The following ICA1 variants were observed in gnomAD, a reference collection of about 807,000 sequenced individuals.
ICA1 encodes islet cell autoantigen 1.
Under a neutral mutation model 71.0 loss-of-function variants are expected in ICA1, and 40 were observed. The ratio of observed to expected loss-of-function variants is 0.56; its 90% CI spans 0.44 to 0.73. The LOEUF is 0.73. Ranked by LOEUF, ICA1 falls within the 30% of genes least tolerant of loss-of-function variation. The pLI is 0.00. For missense variants in ICA1, 578 were observed against 576.5 expected, an observed-to-expected ratio of 1.00 and a Z score of -0.03; for synonymous variants, 207 against 209.5, an observed-to-expected ratio of 0.99 and a Z score of 0.10.
At chr7:8,232,999 C>T (rs1053333484) in intron 2 of ICA1, among the ~76,000 whole-genome samples, 7 of 151,844 alleles carry the variant, frequency 4.6e-5, no homozygotes, top group Non-Finnish European at 1.0e-4. Context: ...AAGAAACTAA[C>T]CCTTGAAAAG....
rs1796237867 is a variant in ICA1 at position 8,144,499 on chromosome 7, T to C, written c.805-527A>G. Among the ~76,000 whole-genome samples the C allele has an allele frequency of 6.6e-6, 1 of 152,246 alleles. No individual in the cohort carries two copies. The highest frequency in any genetic ancestry group is 2.1e-4 in the South Asian group (1 of 4,834). Reference sequence around the variant, plus strand: ...TCTTAAAAAACCAAAAATAGTGGCTTAACATATTCTGACAACCTAACTCCC... The same window carrying C: ...TCTTAAAAAACCAAAAATAGTGGCTCAACATATTCTGACAACCTAACTCCC... On this transcript the variant is annotated intron_variant, in intron 8 of 13. Transcript: ENST00000402384. This position sits in a 1 kb window ranked among gnomAD's most constrained non-coding sequence, Gnocchi z 4.5.
chr7:8,131,207 G>C (rs1292245761), intron 12 of ICA1, among the ~76,000 whole-genome samples: 1 of 152,224 alleles, frequency 6.6e-6, no homozygotes, highest in East Asian at 1.9e-4. Context: ...CTCAAGAAGT[G>C]GAGAGAGAAT....
intron 9 of ICA1, among the ~76,000 whole-genome samples, chr7:8,143,151 C>T (rs1795784316): frequency 6.6e-6 from 1 of 152,214 alleles, no homozygotes; most frequent in Non-Finnish European, 1.5e-5. Flanking sequence ...AACTGCATTC[C>T]TGCAAGCTAT....
chr7:8,114,120 C>T, intron 13 of ICA1, 76 bp from the exon 14 acceptor site: 3 of 1,478,936 alleles, frequency 2.0e-6, no homozygotes, highest in Non-Finnish European at 2.8e-6. Context: ...GCAGGCAGGT[C>T]CAGGTCATCT....
chr7:8,210,702 GA>G (rs1005053981), intron 6 of ICA1, among the ~76,000 whole-genome samples: 3 of 151,886 alleles, frequency 2.0e-5, no homozygotes, highest in Non-Finnish European at 2.9e-5. Context: ...ATAGCCAAAG[GA>G]AAAAAATTTT....
At chr7:8,124,640 G>C (rs1054286840) in intron 13 of ICA1, among the ~76,000 whole-genome samples, 3 of 152,172 alleles carry the variant, frequency 2.0e-5, no homozygotes, top group African/African-American at 7.2e-5. Context: ...CTGGGAATCT[G>C]TAAGTGTGGC....
In ICA1 at chr7:8,226,492, T is replaced by G. The variant is rs934243359; in HGVS notation, c.256+2109A>C. Among the ~76,000 whole-genome samples, 4 of 152,238 alleles carry G rather than the reference T, an allele frequency of 2.6e-5. No homozygotes were observed. The highest frequency in any genetic ancestry group is 9.6e-5 in the African/African-American group (4 of 41,458). ...ATAGCATACTATAGATACGCTTTTA[T>G]GTTTTGCTTCTTTCACTTAAAAGCA... On this transcript the variant is annotated intron_variant, in intron 4 of 13. Transcript: ENST00000402384. The surrounding 1 kb of genome is among the most constrained non-coding windows in gnomAD (Gnocchi z 4.4).
chr7:8,243,763 T>C (rs951379309), intron 1 of ICA1, among the ~76,000 whole-genome samples: 2 of 152,128 alleles, frequency 1.3e-5, no homozygotes, highest in African/African-American at 4.8e-5. Context: ...AGCGTTCCTA[T>C]ACACCAATAA....
At chr7:8,138,618 T>C (rs188127913) in intron 12 of ICA1, among the ~76,000 whole-genome samples, 1 of 152,342 alleles carries the variant, frequency 6.6e-6, no homozygotes, top group Non-Finnish European at 1.5e-5. Flanking sequence ...TTAGCTATAG[T>C]AGTTTGAACA....
At position 8,144,967 on chromosome 7, in the gene ICA1, G is replaced by A. The variant is rs866607811; in HGVS notation, c.805-995C>T. 6.6e-6 allele frequency among the ~76,000 whole-genome samples: 1 copy of A among 152,080 alleles called. No homozygotes were observed. On this transcript the variant is annotated intron_variant, in intron 8 of 13. Coordinates refer to ENST00000402384, the MANE Select transcript of ICA1 (RefSeq NM_001136020.3). The surrounding 1 kb of genome is among the most constrained non-coding windows in gnomAD (Gnocchi z 4.5). ...CAATTCTGATTGATTAGTACTGGCT[G>A]ACTGGAGGGCCAGTGAAGATGGTTC...
rs114678073 is a variant in ICA1 at position 8,120,492 on chromosome 7, C to T, written c.1331-6448G>A. ...GCTATGTAAAGAGAACTTAGTGTTGCTAATATTCCCATAATTGCCATCAAC... is the reference window on the plus strand; with the variant it reads ...GCTATGTAAAGAGAACTTAGTGTTGTTAATATTCCCATAATTGCCATCAAC... On this transcript the variant is annotated intron_variant, in intron 13 of 13. Transcript: ENST00000402384. Among the ~76,000 whole-genome samples, 852 of 152,250 alleles carry T rather than the reference C, an allele frequency of 5.6e-3. 2 individuals carry two copies. The highest frequency in any genetic ancestry group is 0.02 in the African/African-American group (823 of 41,528).
chr7:8,253,969 G>A (rs376317019), intron 1 of ICA1, among the ~76,000 whole-genome samples: 1 of 152,206 alleles, frequency 6.6e-6, no homozygotes, highest in Non-Finnish European at 1.5e-5. Context: ...AGATGCTAAT[G>A]TTTATAAGGT....
chr7:8,257,878 A>C (rs927595494), intron 1 of ICA1, among the ~76,000 whole-genome samples: 13 of 152,164 alleles, frequency 8.5e-5, no homozygotes, highest in African/African-American at 2.9e-4. Context: ...ACACATAGAC[A>C]CTGGGCTCCA....
intron 1 of ICA1, among the ~76,000 whole-genome samples, chr7:8,243,855 T>C (rs1451043239): frequency 6.6e-6 from 1 of 152,130 alleles, no homozygotes; most frequent in Non-Finnish European, 1.5e-5. Flanking sequence ...GAATCCAACT[T>C]ACAAGGGATG....
chr7:8,201,960 C>T (rs1367606208), intron 6 of ICA1, among the ~76,000 whole-genome samples: 1 of 152,130 alleles, frequency 6.6e-6, no homozygotes, highest in Non-Finnish European at 1.5e-5. Context: ...AGCAAGAAAC[C>T]GGGGGACAGG....
chr7:8,157,140 T>C lies in ICA1; in HGVS notation c.780A>G (p.Gln260=), dbSNP rs200931331. ...CCTTTAAAGTAGTAAATTCATATGGTTGATAACCTTTGAAACTCTCATGGA... is the reference window on the plus strand; with the variant it reads ...CCTTTAAAGTAGTAAATTCATATGGCTGATAACCTTTGAAACTCTCATGGA... ...AAIHESFKGY[Q]PYEFTTLKSL... The change falls in exon 8 of 14, where the codon CAA becomes CAG. Residue 260 remains glutamine, a synonymous_variant. Transcript: ENST00000402384. The C allele has an allele frequency of 1.7e-5, 28 of 1,613,876 alleles. No homozygotes were observed. The highest frequency in any genetic ancestry group is 1.6e-4 in the Middle Eastern group (1 of 6,066).
intron 6 of ICA1, among the ~76,000 whole-genome samples, chr7:8,179,979 G>T (rs957833106): frequency 6.6e-6 from 1 of 151,408 alleles, no homozygotes; most frequent in African/African-American, 2.4e-5. Flanking sequence ...CTATTCCCCC[G>T]TTCCTCTTCT....
chr7:8,259,976 T>C (rs1811673449), intron 1 of ICA1, among the ~76,000 whole-genome samples: 1 of 152,142 alleles, frequency 6.6e-6, no homozygotes, highest in Non-Finnish European at 1.5e-5. Context: ...ATGGTTCCCA[T>C]AAATCTAGTA....
intron 1 of ICA1, among the ~76,000 whole-genome samples, chr7:8,260,307 G>A (rs1009983227): frequency 6.6e-6 from 1 of 152,070 alleles, no homozygotes; most frequent in African/African-American, 2.4e-5. Context: ...TATACTTTTC[G>A]TGAGATTGAT....
Sources: gnomAD v4.1 joint callset for allele counts (sites outside exome capture counted in the v4.1 genomes callset) on GRCh38, gnomAD v4.1.1 for gene constraint, Gnocchi (gnomAD v3.1) non-coding constraint, MANE v1.5 for transcripts, NCBI Gene and HGNC (gene_info 2026-07-23, HGNC 2026-07-21) for gene names.